CNTNAP5: variants seen among roughly 807,000 people sequenced by gnomAD.
The protein encoded by CNTNAP5 is contactin associated protein family member 5, also known as contactin-associated protein-like 5.
A neutral mutation model predicts 150.2 loss-of-function variants in CNTNAP5; 72 were observed. The ratio of observed to expected loss-of-function variants is 0.48; its 90% CI spans 0.40 to 0.58. The LOEUF (loss-of-function observed/expected upper bound fraction) is 0.58, where lower values mean the gene tolerates loss of function less well. Among genes scored for constraint, CNTNAP5 ranks in the 20% least tolerant of loss-of-function variants. The pLI is 0.00. For synonymous variants in CNTNAP5, 672 were observed against 619.8 expected, an observed-to-expected ratio of 1.08 and a Z score of -1.25; for missense variants, 1,636 against 1,626.2, an observed-to-expected ratio of 1.01 and a Z score of -0.10.
intron 16 of CNTNAP5, among the ~76,000 whole-genome samples, chr2:124,769,711 G>A (rs1681148269): frequency 6.6e-6 from 1 of 152,136 alleles, no homozygotes; most frequent in Non-Finnish European, 1.5e-5. Flanking sequence ...CAGGGCAACT[G>A]CACAGGTTTC....
At chr2:124,893,053 A>ACG (rs1678231917) in intron 21 of CNTNAP5, among the ~76,000 whole-genome samples, 4 of 152,118 alleles carry the variant, frequency 2.6e-5, no homozygotes, top group African/African-American at 9.7e-5. Context: ...TGATTGCTAA[A>ACG]TTATGAAAAA....
chr2:124,544,900 T>C (rs1232989611), intron 10 of CNTNAP5, among the ~76,000 whole-genome samples: 1 of 152,164 alleles, frequency 6.6e-6, no homozygotes, highest in Non-Finnish European at 1.5e-5. Context: ...TCACTATCTG[T>C]CATGGAGCCC....
chr2:124,025,582 C>T lies in CNTNAP5; in HGVS notation c.-69C>T, dbSNP rs932327916. 2.9e-6 allele frequency: 4 copies of T among 1,401,902 alleles called. No individual in the cohort carries two copies. Among genetic ancestry groups the T allele is most frequent in the Admixed American group, 1.7e-5 (1 of 59,694 alleles). 86.8% of individuals were successfully genotyped at this position (1,401,902 alleles called of 1,614,324 possible). A position where few individuals can be genotyped will look rare whatever the true frequency, so the allele number is the denominator to read the frequency against. Reference sequence around the variant, plus strand: ...CAGGCTGTGCAGAGGAGAGAGACAGCGAGAAGAAGCCGCGGCTGGCTACTG... The same window carrying T: ...CAGGCTGTGCAGAGGAGAGAGACAGTGAGAAGAAGCCGCGGCTGGCTACTG... On this transcript the variant is annotated 5_prime_UTR_variant, in exon 1 of 24. Transcript: ENST00000682447.
chr2:124,723,857 A>G (rs1402148672), intron 13 of CNTNAP5, among the ~76,000 whole-genome samples: 1 of 152,064 alleles, frequency 6.6e-6, no homozygotes, highest in Non-Finnish European at 1.5e-5. Flanking sequence ...TTAAGATCTT[A>G]TCTTTAGGCC....
intron 19 of CNTNAP5, among the ~76,000 whole-genome samples, chr2:124,847,274 C>A (rs1008595075): frequency 5.3e-5 from 8 of 152,146 alleles, no homozygotes; most frequent in Non-Finnish European, 8.8e-5. Context: ...TCTCTTTGGG[C>A]AGGGCTTGCT....
chr2:124,348,383 C>T (rs529772452), intron 3 of CNTNAP5, among the ~76,000 whole-genome samples: 2 of 152,206 alleles, frequency 1.3e-5, no homozygotes, highest in African/African-American at 2.4e-5. Flanking sequence ...CAACCGAGGG[C>T]ATCCTCGTTT....
chr2:124,069,244 G>A (rs1050280323), intron 1 of CNTNAP5, among the ~76,000 whole-genome samples: 2 of 152,176 alleles, frequency 1.3e-5, no homozygotes, highest in African/African-American at 2.4e-5. Flanking sequence ...GCCACGATGA[G>A]ACTCCTCTGA....
At chr2:124,912,610 C>T (rs2104769869) in intron 23 of CNTNAP5, among the ~76,000 whole-genome samples, 1 of 152,202 alleles carries the variant, frequency 6.6e-6, no homozygotes, top group South Asian at 2.1e-4. Context: ...AGCTGGACCA[C>T]CTTAATTTTT....
At chr2:124,785,815 A>AT (rs1681554677) in intron 17 of CNTNAP5, among the ~76,000 whole-genome samples, 1 of 152,214 alleles carries the variant, frequency 6.6e-6, no homozygotes, top group Non-Finnish European at 1.5e-5. Context: ...ACATTTTCAA[A>AT]TTTGCATTAA....
chr2:124,131,823 G>C (rs1302098043), intron 1 of CNTNAP5, among the ~76,000 whole-genome samples: 1 of 152,102 alleles, frequency 6.6e-6, no homozygotes, highest in Admixed American at 6.6e-5. Flanking sequence ...GAAAGAAATA[G>C]GCCCCTTCTC....
Position 124,609,809 on chromosome 2 carries a change from G to A in CNTNAP5, c.1765G>A (p.Glu589Lys), listed in dbSNP as rs746463002. ...TGCCTTTGTCTTTCCAGCCATCTACGAGCAATCCTGCGAGGTGTACAGGCA... is the reference window on the plus strand; with the variant it reads ...TGCCTTTGTCTTTCCAGCCATCTACAAGCAATCCTGCGAGGTGTACAGGCA... ...TGATCHNSIY[E>K]QSCEVYRHQG... The change falls in exon 12 of 24, where the codon GAG becomes AAG. Residue 589 changes from glutamate (E) to lysine (K), a missense_variant. Transcript: ENST00000682447. 6.8e-6 allele frequency: 11 copies of A among 1,613,450 alleles called. No homozygotes were observed. The highest frequency in any genetic ancestry group is 1.3e-5 in the African/African-American group (1 of 74,898).
intron 3 of CNTNAP5, among the ~76,000 whole-genome samples, chr2:124,309,015 G>A (rs1182145148): frequency 6.6e-6 from 1 of 152,138 alleles, no homozygotes; most frequent in East Asian, 1.9e-4. Flanking sequence ...ATGGATGCAT[G>A]AAAACTCAGA....
chr2:124,716,827 T>G (rs79720981), intron 13 of CNTNAP5, among the ~76,000 whole-genome samples: 6,588 of 152,224 alleles, frequency 0.043, 507 homozygotes, highest in African/African-American at 0.15. Flanking sequence ...TAGGCTGTTG[T>G]TCCCTTTGCA....
chr2:124,559,608 T>A (rs1356436929), intron 10 of CNTNAP5, among the ~76,000 whole-genome samples: 2 of 152,174 alleles, frequency 1.3e-5, no homozygotes, highest in East Asian at 1.9e-4. Context: ...CCTAAAAGAG[T>A]GAGTGCCCTC....
chr2:124,826,138 TGA>T (rs1682588045), intron 19 of CNTNAP5, among the ~76,000 whole-genome samples: 1 of 150,618 alleles, frequency 6.6e-6, no homozygotes. Flanking sequence ...GAGATCTTAC[TGA>T]GTTATTACTA....
chr2:124,075,530 G>T (rs901145201), intron 1 of CNTNAP5, among the ~76,000 whole-genome samples: 4 of 152,074 alleles, frequency 2.6e-5, no homozygotes, highest in African/African-American at 9.7e-5. Flanking sequence ...GGTTTCTAAG[G>T]TCAGCTGTTT....
At chr2:124,322,956 G>T (rs1044658199) in intron 3 of CNTNAP5, among the ~76,000 whole-genome samples, 1 of 152,150 alleles carries the variant, frequency 6.6e-6, no homozygotes, top group Non-Finnish European at 1.5e-5. Context: ...ATATTAAGAA[G>T]GATTAGACTA....
At chr2:124,337,856 G>T (rs530942352) in intron 3 of CNTNAP5, among the ~76,000 whole-genome samples, 24 of 152,096 alleles carry the variant, frequency 1.6e-4, no homozygotes, top group African/African-American at 5.8e-4. Context: ...TGGTGATGCG[G>T]GCTCTTTTTT....
At chr2:124,665,769 C>T (rs573907714) in intron 13 of CNTNAP5, among the ~76,000 whole-genome samples, 48 of 151,990 alleles carry the variant, frequency 3.2e-4, no homozygotes, top group African/African-American at 1.1e-3. Context: ...ACCTGTAGTC[C>T]CAGCTGCTTA....
Sources: allele counts gnomAD v4.1 joint callset (sites outside exome capture counted in the v4.1 genomes callset), GRCh38; gene constraint gnomAD v4.1.1; transcripts MANE v1.5; gene names NCBI Gene and HGNC (gene_info 2026-07-23, HGNC 2026-07-21).